POLG: variants seen among roughly 807,000 people sequenced by gnomAD.
The protein encoded by POLG is DNA polymerase subunit gamma-1.
Under a neutral mutation model 155.4 loss-of-function variants are expected in POLG, and 110 were observed. That is an observed-to-expected ratio of 0.71 (90% CI 0.61 to 0.83). The LOEUF is 0.83. Ranked by LOEUF, POLG falls within the 40% of genes least tolerant of loss-of-function variation. The probability of loss-of-function intolerance (pLI) is 0.00; values close to 1 mark genes in which losing one functional copy is unlikely to be tolerated. For synonymous variants in POLG, 701 were observed against 631.5 expected (o/e 1.11, Z -1.65); for missense variants, 1,685 against 1,627.5 (o/e 1.04, Z -0.61).
At chr15:89,322,651 T>A in intron 14 of POLG, 91 bp downstream of exon 14, 1 of 1,398,360 alleles carries the variant, frequency 7.2e-7, no homozygotes, top group Non-Finnish European at 1.0e-6. Flanking sequence ...ATAGTCAGGC[T>A]GGCCCTCTGT....
chr15:89,319,508 A>G, intron 18 of POLG, 158 bp from the exon 19 acceptor site: 1 of 977,382 alleles, frequency 1.0e-6, no homozygotes, highest in Admixed American at 2.0e-5. Flanking sequence ...CGGCTCAGAG[A>G]GGCTAAGTGC....
intron 9 of POLG, among the ~76,000 whole-genome samples, 154 bp from the exon 10 acceptor site, chr15:89,325,840 T>G (rs2055510302): frequency 6.6e-6 from 1 of 152,136 alleles, no homozygotes; most frequent in Non-Finnish European, 1.5e-5. Context: ...TCTGGGATGC[T>G]TTAGCCAGGA....
In POLG at chr15:89,330,187, G is replaced by C; in HGVS notation, c.749C>G (p.Pro250Arg). The change falls in exon 3 of 23, where the codon CCT becomes CGT. Residue 250 changes from proline (P) to arginine (R), a missense_variant. Around this residue, in one of 3 missense-constraint regions of POLG, gnomAD observed 1,210 missense variants for 1,167.1 expected, o/e 1.04. Coordinates refer to ENST00000268124, the MANE Select transcript of POLG (RefSeq NM_002693.3). ...CTGGGTGGGGCTGCTGGCACCAGTA[G>C]GGACCTCCAGGGGGATGAGGTCAGC... ...SPADLIPLEVPTGASSPTQRD... is the reference protein window; with the variant it reads ...SPADLIPLEVRTGASSPTQRD... The C allele has an allele frequency of 6.2e-7, 1 of 1,613,596 alleles. No individual in the cohort carries two copies. Among genetic ancestry groups the C allele is most frequent in the South Asian group, 1.1e-5 (1 of 91,076 alleles).
chr15:89,331,448 C>G (rs28410308), intron 2 of POLG, among the ~76,000 whole-genome samples: 4,350 of 152,280 alleles, frequency 0.029, 171 homozygotes, highest in African/African-American at 0.092. Flanking sequence ...AGCTCTGCAG[C>G]TGTGCATGAA....
Position 89,325,522 on chromosome 15 carries a change from C to T in POLG, c.1877G>A (p.Gly626Glu), listed in dbSNP as rs1324154480. 1 of 1,612,332 alleles carries T rather than the reference C, an allele frequency of 6.2e-7. No individual in the cohort carries two copies. Among genetic ancestry groups the T allele is most frequent in the South Asian group, 1.1e-5 (1 of 91,080 alleles). ...ERHGWGYLVP[G>E]RRDNLAKLPT... ...CAGCTTGGCCAGGTTGTCCCGCCGC[C>T]CAGGCACCAAGTAGCCCCAGCCATG... The change falls in exon 10 of 23, where the codon GGG (glycine) becomes GAG (glutamate). Residue 626 changes from glycine to glutamate, a missense_variant. Physicochemically the swap from Gly to Glu is moderately conservative, Grantham distance 98. Around this residue, in one of 3 missense-constraint regions of POLG, gnomAD observed 1,210 missense variants for 1,167.1 expected, o/e 1.04. Transcript: ENST00000268124.
Position 89,328,893 on chromosome 15 carries a change from A to T in POLG, c.1023+50T>A, listed in dbSNP as rs751787506. 4.3e-6 allele frequency: 7 copies of T among 1,613,918 alleles called. No individual in the cohort carries two copies. In the South Asian group the frequency reaches 7.7e-5, roughly 18 times the overall value. ...TGGCCTCGGGCCAGACGGGCTGGTG[A>T]GAGGGGGTCCCAAGCACTATGCTCC... On this transcript the variant is annotated intron_variant, in intron 4 of 22. Transcript: ENST00000268124.
chr15:89,317,649 C>T lies in POLG; in HGVS notation c.3483-113G>A, dbSNP rs1046455383. 3.9e-6 allele frequency: 4 copies of T among 1,014,820 alleles called. No homozygotes were observed. The African/African-American group carries it at 4.8e-5, about 12-fold the overall frequency. The allele number at this position is 1,014,820 out of a possible 1,614,324, so 62.9% of individuals were successfully genotyped here. On this transcript the variant is annotated intron_variant, in intron 21 of 22. Transcript: ENST00000268124. ...AGCAGGGCTTCCCCTGGACCAACAC[C>T]CCATCTGTTCACTTAGCTAAGTCAA... is the stretch of plus-strand genomic sequence containing the variant.
chr15:89,323,287 C>T, intron 13 of POLG, 117 bp downstream of exon 13: 1 of 727,558 alleles, frequency 1.4e-6, no homozygotes. Flanking sequence ...ACACTCTGTC[C>T]CACTACTAGT....
chr15:89,324,891 G>A (rs998175493), intron 10 of POLG, among the ~76,000 whole-genome samples: 2 of 152,124 alleles, frequency 1.3e-5, no homozygotes, highest in African/African-American at 2.4e-5. Context: ...ACAGCCCTCC[G>A]CATGTTCCTG....
At position 89,317,536 on chromosome 15, in the gene POLG, C is replaced by T; in HGVS notation, c.3483G>A (p.Arg1161=). The change falls in exon 22 of 23, where the codon AGG becomes AGA. Residue 1161 remains arginine (R), a splice_region_variant and synonymous_variant. Transcript: ENST00000268124. Reference sequence around the variant, plus strand: ...GACCCAGCTTGTAGGCAAACATGCACCTGAAAGAGACCCAATCTACTCTCA... The same window carrying T: ...GACCCAGCTTGTAGGCAAACATGCATCTGAAAGAGACCCAATCTACTCTCA... The part of the protein sequence containing the change: ...LALQITNLLT[R]CMFAYKLGLN... The T allele has an allele frequency of 6.2e-7, 1 of 1,613,896 alleles. No homozygotes were observed. Among genetic ancestry groups the T allele is most frequent in the Non-Finnish European group, 8.5e-7 (1 of 1,179,842 alleles).
chr15:89,318,797 A>G (rs935256784), intron 20 of POLG, 48 bp from the exon 21 acceptor site: 1 of 1,569,376 alleles, frequency 6.4e-7, no homozygotes, highest in Non-Finnish European at 8.8e-7. Flanking sequence ...GCTACATACC[A>G]ATTAACTCCA....
intron 10 of POLG, among the ~76,000 whole-genome samples, chr15:89,325,081 TGA>T (rs376001140): frequency 1.6e-4 from 7 of 43,292 alleles, no homozygotes; most frequent in East Asian, 1.1e-3. Context: ...AGTGAGTGAG[TGA>T]GAGAGTGAGT....
At position 89,319,253 on chromosome 15, in the gene POLG, TG is replaced by T; in HGVS notation, c.3078del (p.Lys1027ArgfsTer67). 1 of 1,614,168 alleles carries T rather than the reference TG, an allele frequency of 6.2e-7. No homozygotes were observed. The highest frequency in any genetic ancestry group is 8.5e-7 in the Non-Finnish European group (1 of 1,180,034). ...TTCCTTGCAGTTTCTCTCTGGACCT[TG>T]CGCAGATCCTGCAGGGAAATCCAGC... ...EGGWISLQDL[R>X]KVQRETARKS... is the part of the protein sequence containing the mutation. On this transcript the variant is annotated frameshift_variant, in exon 19 of 23. Coordinates refer to ENST00000268124, the MANE Select transcript of POLG (RefSeq NM_002693.3). LOFTEE classifies it high-confidence loss of function.
rs1301789510 is a variant in POLG, at chr15:89,333,606, T to C, written c.149A>G (p.Gln50Arg). 1 of 1,591,894 alleles carries C rather than the reference T, an allele frequency of 6.3e-7. No homozygotes were observed. Among genetic ancestry groups the C allele is most frequent in the East Asian group, 2.3e-5 (1 of 44,290 alleles). ...RRRQQQQQQQ[Q>R]QQQQQPQQPQ... ...CTGCTGAGGCTGCTGTTGCTGCTGC[T>C]GCTGCTGCTGCTGCTGCTGCTGCCG... Residue 50 changes from glutamine (Q) to arginine (R), a missense_variant, in exon 2 of 23, where the codon CAG (glutamine) becomes CGG (arginine). Gln to Arg is a conservative substitution (Grantham distance 43). Transcript: ENST00000268124.
At chr15:89,316,995 TAA>T (rs1163263957) in intron 22 of POLG, 168 bp from the exon 23 acceptor site, 7 of 652,934 alleles carry the variant, frequency 1.1e-5, no homozygotes, top group African/African-American at 7.3e-5. Context: ...TCTTTTTATA[TAA>T]GTGTGTCTTA....
At chr15:89,323,261 G>C (rs993964748) in intron 13 of POLG, 143 bp downstream of exon 13, 3 of 691,046 alleles carry the variant, frequency 4.3e-6, no homozygotes, top group South Asian at 1.6e-5. Context: ...AGAGATGACA[G>C]TATGTGCCTG....
chr15:89,318,383 TCTACAACTTTTTAAAAA>T (rs1209944017), intron 21 of POLG, among the ~76,000 whole-genome samples, 141 bp downstream of exon 21: 1 of 152,232 alleles, frequency 6.6e-6, no homozygotes, highest in Non-Finnish European at 1.5e-5. Context: ...TTTTAGGACT[TCTACAACTTTTTAAAAA>T]TTAGAAATAA....
At chr15:89,325,094 G>A (rs1414957154) in intron 10 of POLG, among the ~76,000 whole-genome samples, 32 of 86,404 alleles carry the variant, frequency 3.7e-4, no homozygotes, top group East Asian at 9.2e-4. Flanking sequence ...GAGAGTGAGT[G>A]AGTGAGAGAG....
rs1567183923 is a variant in POLG, at chr15:89,317,417, G to A, written c.3602C>T (p.Ser1201Phe). Reference protein sequence around the residue: ...KEVTMDCKTPSNPTGMERRYG... With the variant: ...KEVTMDCKTPFNPTGMERRYG... The stretch of plus-strand genomic sequence containing the variant: ...TCTCCTTTCCATCCCAGTTGGGTTG[G>A]AAGGGGTTTTACAATCCATGGTCAC... Residue 1201 changes from serine (S) to phenylalanine (F), a missense_variant, in exon 22 of 23, where the codon TCC (serine) becomes TTC (phenylalanine). Physicochemically the swap from Ser to Phe is radical, Grantham distance 155. This residue lies in a region of POLG where 470 missense variants were observed against 439.9 expected (regional missense o/e 1.07). Transcript: ENST00000268124. 1.9e-6 allele frequency: 3 copies of A among 1,614,082 alleles called. No individual in the cohort carries two copies. The Admixed American group carries it at 5.0e-5, about 27-fold the overall frequency.
Sources: gnomAD v4.1 joint callset for allele counts (sites outside exome capture counted in the v4.1 genomes callset) on GRCh38, gnomAD v4.1.1 for gene constraint, gnomAD v4.1.1 regional missense constraint, MANE v1.5 for transcripts, NCBI Gene and HGNC (gene_info 2026-07-23, HGNC 2026-07-21) for gene names.